Variants in TFCP2 observed in about 807,000 individuals in gnomAD.
The protein encoded by TFCP2 is alpha-globin transcription factor CP2.
Under a neutral mutation model 73.4 loss-of-function variants are expected in TFCP2, and 33 were observed. The ratio of observed to expected loss-of-function variants is 0.45; its 90% CI spans 0.34 to 0.60. TFCP2 has a LOEUF of 0.60. Ranked by LOEUF, TFCP2 falls within the 20% of genes least tolerant of loss-of-function variation. The pLI is 0.01. For missense variants in TFCP2, 352 were observed against 604.0 expected (o/e 0.58, Z 4.37); for synonymous variants, 193 against 211.6 (o/e 0.91, Z 0.76).
At chr12:51,130,209 C>T (rs113568843) in intron 1 of TFCP2, among the ~76,000 whole-genome samples, 1 of 152,136 alleles carries the variant, frequency 6.6e-6, no homozygotes, top group Non-Finnish European at 1.5e-5. Flanking sequence ...CAGTGGCTCA[C>T]GCCTATAATC....
chr12:51,129,538 C>A (rs1940894158), intron 1 of TFCP2, among the ~76,000 whole-genome samples: 1 of 144,768 alleles, frequency 6.9e-6, no homozygotes, highest in Admixed American at 6.9e-5. Context: ...AAAAAAAAAT[C>A]TAAGGAGAGA....
At chr12:51,139,098 A>T (rs1192762393) in intron 1 of TFCP2, among the ~76,000 whole-genome samples, 1 of 152,232 alleles carries the variant, frequency 6.6e-6, no homozygotes, top group Non-Finnish European at 1.5e-5. Context: ...AAGGATATGC[A>T]GAGCAGAAGA....
At chr12:51,116,571 A>G (rs571796340) in intron 3 of TFCP2, 151 bp from the exon 4 acceptor site, 6 of 414,560 alleles carry the variant, frequency 1.4e-5, no homozygotes, top group Non-Finnish European at 2.6e-5. Context: ...AACCCATACC[A>G]TACTAAGTGC....
chr12:51,170,226 C>A (rs994428406), intron 1 of TFCP2, among the ~76,000 whole-genome samples: 1 of 152,096 alleles, frequency 6.6e-6, no homozygotes, highest in African/African-American at 2.4e-5. Context: ...TTAAATTTCT[C>A]ATGACTAAGA....
intron 1 of TFCP2, among the ~76,000 whole-genome samples, chr12:51,138,576 T>C (rs1339536364): frequency 6.6e-6 from 1 of 152,192 alleles, no homozygotes; most frequent in Non-Finnish European, 1.5e-5. Flanking sequence ...TCTTTTATGC[T>C]AAAAGTGATA....
At chr12:51,116,662 GGT>G (rs1940535097) in intron 3 of TFCP2, among the ~76,000 whole-genome samples, 1 of 149,810 alleles carries the variant, frequency 6.7e-6, no homozygotes, top group Non-Finnish European at 1.5e-5. Context: ...TTGTTGCCCA[GGT>G]TGGAGTGCAA....
At chr12:51,144,531 G>C (rs953705113) in intron 1 of TFCP2, among the ~76,000 whole-genome samples, 5 of 152,088 alleles carry the variant, frequency 3.3e-5, no homozygotes, top group Non-Finnish European at 7.4e-5. Flanking sequence ...CACATATATA[G>C]AAATTTGATT....
At chr12:51,156,801 G>A (rs1022637279) in intron 1 of TFCP2, 1 of 152,070 alleles carries the variant, frequency 6.6e-6, no homozygotes, top group African/African-American at 2.4e-5. Context: ...GTGTTTCTAG[G>A]ATGTGACCAT....
chr12:51,142,830 A>C (rs1473616189), intron 1 of TFCP2, among the ~76,000 whole-genome samples: 1 of 152,156 alleles, frequency 6.6e-6, no homozygotes, highest in Non-Finnish European at 1.5e-5. Context: ...AAGACAGTTC[A>C]GCTTTCACTA....
intron 4 of TFCP2, among the ~76,000 whole-genome samples, chr12:51,115,144 G>A (rs1940500697): frequency 8.6e-6 from 1 of 116,282 alleles, no homozygotes; most frequent in Non-Finnish European, 1.7e-5. Flanking sequence ...TTTTTTGAGA[G>A]AGTCTCGCTC....
At chr12:51,099,073 G>A (rs1050546867) in intron 12 of TFCP2, among the ~76,000 whole-genome samples, 155 bp from the exon 13 acceptor site, 5 of 152,034 alleles carry the variant, frequency 3.3e-5, no homozygotes, top group African/African-American at 9.7e-5. Context: ...TGTGACCTAG[G>A]GCAAGTTATT....
chr12:51,103,738 T>C lies in TFCP2; in HGVS notation c.992A>G (p.Gln331Arg). ...TCGATGCAACCACTGCTGAGCTTCC[T>C]GAGGTGTGGTTGTTGGTAAGAGGTT... The part of the protein sequence containing the change: ...TDNLLPTTTP[Q>R]EAQQWLHRNR... Residue 331 changes from glutamine (Q) to arginine (R), a missense_variant, in exon 10 of 15, where the codon CAG (glutamine) becomes CGG (arginine). Transcript: ENST00000257915. 6.2e-7 allele frequency: 1 copy of C among 1,613,952 alleles called. No homozygotes were observed. Among genetic ancestry groups the C allele is most frequent in the Non-Finnish European group, 8.5e-7 (1 of 1,179,946 alleles).
At chr12:51,152,236 C>T (rs1215331089) in intron 1 of TFCP2, among the ~76,000 whole-genome samples, 6 of 152,144 alleles carry the variant, frequency 3.9e-5, no homozygotes, top group African/African-American at 9.7e-5. Flanking sequence ...TAATGCCCAA[C>T]GTGCATAACC....
intron 1 of TFCP2, among the ~76,000 whole-genome samples, chr12:51,122,386 G>A (rs182140324): frequency 6.6e-6 from 1 of 150,850 alleles, no homozygotes; most frequent in East Asian, 2.0e-4. Flanking sequence ...AGCTTCCCGG[G>A]TAGCTGGGAT....
At chr12:51,167,871 A>G (rs1012148544) in intron 1 of TFCP2, among the ~76,000 whole-genome samples, 1 of 151,602 alleles carries the variant, frequency 6.6e-6, no homozygotes, top group Non-Finnish European at 1.5e-5. Flanking sequence ...GATCAGCCTG[A>G]GCAACACAGC....
intron 1 of TFCP2, among the ~76,000 whole-genome samples, chr12:51,119,521 T>C (rs571891596): frequency 2.1e-4 from 32 of 151,170 alleles, no homozygotes; most frequent in Admixed American, 1.4e-3. Context: ...GAGGCCGAGG[T>C]GGGCGGATCA....
intron 8 of TFCP2, among the ~76,000 whole-genome samples, chr12:51,105,475 T>C (rs1035576260): frequency 7.2e-5 from 11 of 152,182 alleles, no homozygotes; most frequent in Non-Finnish European, 1.5e-4. Context: ...TTAACTAGTA[T>C]GAAGTACACG....
chr12:51,141,854 C>CG (rs1941199072), intron 1 of TFCP2, among the ~76,000 whole-genome samples: 1 of 146,000 alleles, frequency 6.8e-6, no homozygotes, highest in Admixed American at 7.1e-5. Context: ...TGCAGTGAGC[C>CG]GAGATGGCGC....
intron 1 of TFCP2, 85 bp downstream of exon 1, chr12:51,172,216 A>C: frequency 6.4e-7 from 1 of 1,557,832 alleles, no homozygotes; most frequent in Non-Finnish European, 8.7e-7. Context: ...AACTCTATAC[A>C]CCTCCTTCCC....
Sources: allele counts gnomAD v4.1 joint callset (sites outside exome capture counted in the v4.1 genomes callset), GRCh38; gene constraint gnomAD v4.1.1; transcripts MANE v1.5; gene names NCBI Gene and HGNC (gene_info 2026-07-23, HGNC 2026-07-21).